Variants in AGAP1 observed in about 807,000 individuals in gnomAD.
AGAP1 encodes the protein arf-GAP with GTPase, ANK repeat and PH domain-containing protein 1.
AGAP1 carries 29 observed loss-of-function variants against 105.3 expected under a neutral mutation model. The observed-to-expected ratio is 0.28, with a 90% CI of 0.21 to 0.38. The LOEUF (loss-of-function observed/expected upper bound fraction) is 0.38, where lower values mean the gene tolerates loss of function less well. Ranked by LOEUF, AGAP1 falls within the 10% of genes least tolerant of loss-of-function variation. The pLI, the probability that AGAP1 is intolerant of heterozygous loss-of-function variation, is 1.00. For missense variants in AGAP1, 998 were observed against 1,165.1 expected (o/e 0.86, Z 2.09); for synonymous variants, 509 against 485.9 (o/e 1.05, Z -0.63).
Position 235,797,763 on chromosome 2 carries a change from C to G in AGAP1, c.678C>G (p.Ala226=), listed in dbSNP as rs1957308979. Reference sequence around the variant, plus strand: ...TTTTGTCTGTGTGTCCACCAGTTGCCCAGAAGATTGTTGCCACAAGGAAGA... The same window carrying G: ...TTTTGTCTGTGTGTCCACCAGTTGCGCAGAAGATTGTTGCCACAAGGAAGA... The part of the protein sequence containing the change: ...LNVERVFQDV[A]QKIVATRKKQ... Residue 226 remains alanine, a synonymous_variant, in exon 7 of 18, where the codon GCC becomes GCG. Coordinates refer to ENST00000304032, the MANE Select transcript of AGAP1 (RefSeq NM_001037131.3). The G allele has an allele frequency of 6.2e-7, 1 of 1,614,054 alleles. No individual in the cohort carries two copies. The highest frequency in any genetic ancestry group is 1.3e-5 in the African/African-American group (1 of 74,998).
In AGAP1 at chr2:236,036,835, C is replaced by T. The variant is rs2057397889; in HGVS notation, c.1800+120C>T. The T allele has an allele frequency of 7.0e-7, 1 of 1,427,404 alleles. No homozygotes were observed. Among genetic ancestry groups the T allele is most frequent in the Admixed American group, 2.6e-5 (1 of 38,012 alleles). 88.4% of individuals were successfully genotyped at this position (1,427,404 alleles called of 1,614,324 possible). On this transcript the variant is annotated intron_variant, in intron 14 of 17. Coordinates refer to ENST00000304032, the MANE Select transcript of AGAP1 (RefSeq NM_001037131.3). This position sits in a 1 kb window ranked among gnomAD's most constrained non-coding sequence, Gnocchi z 5.7. ...GTGTGAATGACAGGACCTAGCTATTCTTTATGAGCAGAAAGCTCAATAACT... is the reference window on the plus strand; with the variant it reads ...GTGTGAATGACAGGACCTAGCTATTTTTTATGAGCAGAAAGCTCAATAACT...
At chr2:235,869,737 C>A (rs898695711) in intron 9 of AGAP1, among the ~76,000 whole-genome samples, 5 of 152,236 alleles carry the variant, frequency 3.3e-5, no homozygotes, top group Non-Finnish European at 2.9e-5. Context: ...AAGATCATTT[C>A]TTTACTGATG....
At chr2:235,923,334 T>C (rs1353611294) in intron 11 of AGAP1, among the ~76,000 whole-genome samples, 1 of 152,194 alleles carries the variant, frequency 6.6e-6, no homozygotes, top group African/African-American at 2.4e-5. Context: ...TGACCTGACC[T>C]CTGCATTCAC....
chr2:235,980,686 A>T (rs1446884807), intron 13 of AGAP1, among the ~76,000 whole-genome samples: 2 of 152,190 alleles, frequency 1.3e-5, no homozygotes, highest in Non-Finnish European at 2.9e-5. Flanking sequence ...AGATCTTTTC[A>T]TCTGCAGGAA....
chr2:236,131,272 C>T lies in AGAP1; in HGVS notation c.*7150C>T, dbSNP rs564128033. On this transcript the variant is annotated 3_prime_UTR_variant, in exon 18 of 18. Coordinates refer to ENST00000304032, the MANE Select transcript of AGAP1 (RefSeq NM_001037131.3). This position sits in a 1 kb window ranked among gnomAD's most constrained non-coding sequence, Gnocchi z 5.9. Reference sequence around the variant, plus strand: ...CCCGGGGGCAGGTCTCCTGCACTGGCTCTTCCCTTCTGCCAGCTTGGAATT... The same window carrying T: ...CCCGGGGGCAGGTCTCCTGCACTGGTTCTTCCCTTCTGCCAGCTTGGAATT... 6.6e-6 allele frequency: 1 copy of T among 152,394 alleles called. No homozygotes were observed. The highest frequency in any genetic ancestry group is 1.9e-4 in the East Asian group (1 of 5,166). The allele number at this position is 152,394 out of a possible 1,614,324, so 9.4% of individuals were successfully genotyped here. A position where few individuals can be genotyped will look rare whatever the true frequency, so the allele number is the denominator to read the frequency against.
rs1350102606 is a variant in AGAP1 at position 235,751,280 on chromosome 2, A to G, written c.673+792A>G. ...TCTTTTCAAGTTGGAAGCTTGGGAG[A>G]GGCATGGTTCTGGCAGAGGGTCCCC... is the stretch of plus-strand genomic sequence containing the variant. On this transcript the variant is annotated intron_variant, in intron 6 of 17. Transcript: ENST00000304032. The surrounding 1 kb of genome is among the most constrained non-coding windows in gnomAD (Gnocchi z 5.3). Among the ~76,000 whole-genome samples, 1 of 152,064 alleles carries G rather than the reference A, an allele frequency of 6.6e-6. No homozygotes were observed. The highest frequency in any genetic ancestry group is 2.4e-5 in the African/African-American group (1 of 41,374).
chr2:235,585,777 CT>C (rs1477849307), intron 1 of AGAP1, among the ~76,000 whole-genome samples: 6 of 152,242 alleles, frequency 3.9e-5, no homozygotes, highest in South Asian at 2.1e-4. Flanking sequence ...CACACGCCAA[CT>C]TTTACCACCC....
In AGAP1 at chr2:235,927,213, A is replaced by G. The variant is rs1043752939; in HGVS notation, c.1325-3552A>G. Among the ~76,000 whole-genome samples the G allele has an allele frequency of 1.3e-5, 2 of 152,260 alleles. No homozygotes were observed. Among genetic ancestry groups the G allele is most frequent in the East Asian group, 3.9e-4 (2 of 5,160 alleles). On this transcript the variant is annotated intron_variant, in intron 11 of 17. Transcript: ENST00000304032. The surrounding 1 kb of genome is among the most constrained non-coding windows in gnomAD (Gnocchi z 4.4). ...AGGGCTCTAAGAGTCTGCCGTCAGA[A>G]GGATTGTGGATAGCTGGTCTGGTGT... is the stretch of plus-strand genomic sequence containing the variant.
At position 235,751,843 on chromosome 2, in the gene AGAP1, T is replaced by G. The variant is rs1953467682; in HGVS notation, c.673+1355T>G. On this transcript the variant is annotated intron_variant, in intron 6 of 17. Transcript: ENST00000304032. The surrounding 1 kb of genome is among the most constrained non-coding windows in gnomAD (Gnocchi z 5.3). The stretch of plus-strand genomic sequence containing the variant: ...AATGCTGAAGAAGCGCAGGGTCCCC[T>G]GAGGATCAGCACAAAGTCGCTGGGG... 6.6e-6 allele frequency among the ~76,000 whole-genome samples: 1 copy of G among 152,214 alleles called. No individual in the cohort carries two copies. The highest frequency in any genetic ancestry group is 2.4e-5 in the African/African-American group (1 of 41,460).
At chr2:235,678,750 T>C (rs1467062041) in intron 1 of AGAP1, among the ~76,000 whole-genome samples, 1 of 151,086 alleles carries the variant, frequency 6.6e-6, no homozygotes, top group Non-Finnish European at 1.5e-5. Flanking sequence ...CGCCCCCACC[T>C]TGGGATCCTG....
Position 236,120,585 on chromosome 2 carries a change from T to G in AGAP1, c.2370+138T>G. On this transcript the variant is annotated intron_variant, in intron 17 of 17. Coordinates refer to ENST00000304032, the MANE Select transcript of AGAP1 (RefSeq NM_001037131.3). This position sits in a 1 kb window ranked among gnomAD's most constrained non-coding sequence, Gnocchi z 6.0. ...GGAAACAGTTCCTAATGGGAAACTC[T>G]GATTGAAGAGCAGAGGGCCTTACGG... 1.4e-6 allele frequency: 2 copies of G among 1,457,556 alleles called. No individual in the cohort carries two copies. Among genetic ancestry groups the G allele is most frequent in the Non-Finnish European group, 9.1e-7 (1 of 1,097,112 alleles). 90.3% of individuals were successfully genotyped at this position (1,457,556 alleles called of 1,614,324 possible).
At chr2:235,918,324 T>A (rs1014129391) in intron 11 of AGAP1, among the ~76,000 whole-genome samples, 6 of 152,266 alleles carry the variant, frequency 3.9e-5, no homozygotes, top group African/African-American at 1.4e-4. Context: ...TAGCATGTGA[T>A]ATCTGCTTTC....
Position 236,045,796 on chromosome 2 carries a change from C to T in AGAP1, c.1892-3263C>T. 7.8e-6 allele frequency: 3 copies of T among 384,872 alleles called. No individual in the cohort carries two copies. The highest frequency in any genetic ancestry group is 1.7e-5 in the Non-Finnish European group (3 of 179,460). 23.8% of individuals were successfully genotyped at this position (384,872 alleles called of 1,614,324 possible). A position where few individuals can be genotyped will look rare whatever the true frequency, so the allele number is the denominator to read the frequency against. On this transcript the variant is annotated intron_variant, in intron 15 of 17. Coordinates refer to ENST00000304032, the MANE Select transcript of AGAP1 (RefSeq NM_001037131.3). This position sits in a 1 kb window ranked among gnomAD's most constrained non-coding sequence, Gnocchi z 6.9. ...GCAGTGGTGATGCTTAGATACCAAC[C>T]CTTGCCGATGAGTCATTCTCTGCTG...
chr2:235,691,296 C>G lies in AGAP1; in HGVS notation c.164-17883C>G, dbSNP rs1292992084. On this transcript the variant is annotated intron_variant, in intron 1 of 17. Transcript: ENST00000304032. This position sits in a 1 kb window ranked among gnomAD's most constrained non-coding sequence, Gnocchi z 4.4. Reference sequence around the variant, plus strand: ...GTCATATCCAGGGAAAGGTCACTCTCTGGCAGTGGATGCTACCCTGTTGGT... The same window carrying G: ...GTCATATCCAGGGAAAGGTCACTCTGTGGCAGTGGATGCTACCCTGTTGGT... Among the ~76,000 whole-genome samples, 1 of 152,198 alleles carries G rather than the reference C, an allele frequency of 6.6e-6. No individual in the cohort carries two copies. The highest frequency in any genetic ancestry group is 1.5e-5 in the Non-Finnish European group (1 of 68,044).
rs749360907 is a variant in AGAP1, at chr2:235,569,646, G to C, written c.163+74797G>C. ...TCCCTGGAGGGGCTGTGCCCAGGTA[G>C]GGTGTGTTCACTGTGCCCCTGTGTG... On this transcript the variant is annotated intron_variant, in intron 1 of 17. Coordinates refer to ENST00000304032, the MANE Select transcript of AGAP1 (RefSeq NM_001037131.3). This position sits in a 1 kb window ranked among gnomAD's most constrained non-coding sequence, Gnocchi z 5.9. Among the ~76,000 whole-genome samples, 2 of 152,188 alleles carry C rather than the reference G, an allele frequency of 1.3e-5. No homozygotes were observed. The highest frequency in any genetic ancestry group is 2.9e-5 in the Non-Finnish European group (2 of 68,026).
chr2:235,509,158 T>C (rs2149022770), intron 1 of AGAP1, among the ~76,000 whole-genome samples: 1 of 152,350 alleles, frequency 6.6e-6, no homozygotes, highest in East Asian at 1.9e-4. Flanking sequence ...GTGGGTTTTA[T>C]AGTTGGAATG....
chr2:235,668,117 T>A (rs949804549), intron 1 of AGAP1, among the ~76,000 whole-genome samples: 5 of 152,126 alleles, frequency 3.3e-5, no homozygotes, highest in African/African-American at 1.2e-4. Flanking sequence ...GGTATGACCC[T>A]GTGATGGTGA....
chr2:235,518,670 T>G (rs940878588), intron 1 of AGAP1, among the ~76,000 whole-genome samples: 4 of 152,210 alleles, frequency 2.6e-5, no homozygotes, highest in Admixed American at 6.5e-5. Flanking sequence ...GTTTTGAATA[T>G]TTTAGTAAGA....
At chr2:235,670,861 C>T (rs1167713075) in intron 1 of AGAP1, 18 of 1,217,816 alleles carry the variant, frequency 1.5e-5, no homozygotes, top group Admixed American at 7.9e-5. Flanking sequence ...GGGCGGCGGC[C>T]GGGGCCGGCG....
Sources: gnomAD v4.1 joint callset for allele counts (sites outside exome capture counted in the v4.1 genomes callset) on GRCh38, gnomAD v4.1.1 for gene constraint, Gnocchi (gnomAD v3.1) non-coding constraint, MANE v1.5 for transcripts, NCBI Gene and HGNC (gene_info 2026-07-23, HGNC 2026-07-21) for gene names.